Variants in NEB observed in about 807,000 individuals in gnomAD.
NEB encodes nebulin, also known as nemaline myopathy type 2.
In NEB, 512 loss-of-function variants were observed where a neutral mutation model predicts 952.2. The observed-to-expected ratio is 0.54, with a 90% CI of 0.50 to 0.58. NEB has a LOEUF of 0.58. NEB is among the 20% of genes least tolerant of loss of function. The pLI, the probability that NEB is intolerant of heterozygous loss-of-function variation, is 0.00. For missense variants in NEB, 8,428 were observed against 9,231.1 expected (o/e 0.91, Z 3.56); for synonymous variants, 2,900 against 3,149.8 (o/e 0.92, Z 2.66).
rs745620924 is a variant in NEB, at chr2:151,666,108, G to A, written c.5013C>T (p.Ala1671=). 1.9e-6 allele frequency: 3 copies of A among 1,612,694 alleles called. No individual in the cohort carries two copies. Among genetic ancestry groups the A allele is most frequent in the Non-Finnish European group, 2.5e-6 (3 of 1,178,918 alleles). The change falls in exon 41 of 182, where the codon GCC becomes GCT. Residue 1671 remains alanine (A), a synonymous_variant. Coordinates refer to ENST00000397345, the MANE Select transcript of NEB (RefSeq NM_001164508.2). ...TACATACATCACTCTGAATCTGCAT[G>A]GCATTCCTGGAGTGCTCCACATTCA... ...DALNVEHSRN[A]MQIQSDNLYK...
At chr2:151,659,645 AG>A (rs2099124922) in intron 46 of NEB, among the ~76,000 whole-genome samples, 2 of 152,270 alleles carry the variant, frequency 1.3e-5, no homozygotes, top group African/African-American at 4.8e-5. Flanking sequence ...ACAATACAGC[AG>A]GGAGGATGTA....
chr2:151,679,675 C>A, intron 32 of NEB, 46 bp downstream of exon 32: 2 of 797,514 alleles, frequency 2.5e-6, no homozygotes, highest in South Asian at 2.9e-5. Flanking sequence ...CAAGCCCACC[C>A]ACCCACATTT....
chr2:151,635,102 C>A (rs2098732224), intron 64 of NEB, among the ~76,000 whole-genome samples: 1 of 152,124 alleles, frequency 6.6e-6, no homozygotes, highest in Admixed American at 6.5e-5. Context: ...CTTAAACAAT[C>A]CTCAAAATGG....
At chr2:151,711,891 A>G (rs1358479099) in intron 10 of NEB, among the ~76,000 whole-genome samples, 9 of 152,208 alleles carry the variant, frequency 5.9e-5, no homozygotes, top group Admixed American at 5.2e-4. Flanking sequence ...CAACTCTTCA[A>G]TGGAAATCTT....
chr2:151,553,742 G>A (rs947253691), intron 126 of NEB, 86 bp downstream of exon 126: 2 of 1,309,420 alleles, frequency 1.5e-6, no homozygotes, highest in Non-Finnish European at 2.1e-6. Context: ...AAAAGGCTAA[G>A]GTAAAGAAAT....
chr2:151,527,338 C>T, intron 147 of NEB, 143 bp downstream of exon 147: 1 of 739,572 alleles, frequency 1.4e-6, no homozygotes, highest in Admixed American at 2.8e-5. Context: ...TCGCCTATCG[C>T]TCCCCCAACC....
chr2:151,678,269 T>A, intron 32 of NEB, 82 bp from the exon 33 acceptor site: 3 of 854,338 alleles, frequency 3.5e-6, no homozygotes, highest in Non-Finnish European at 5.3e-6. Flanking sequence ...TTGAAGTAAT[T>A]GAGCTTCCCA....
intron 159 of NEB, among the ~76,000 whole-genome samples, chr2:151,514,068 A>G (rs1173423805): frequency 6.6e-6 from 1 of 151,894 alleles, no homozygotes. Context: ...AAATATATCA[A>G]GTTAAATCAA....
chr2:151,706,983 T>G lies in NEB; in HGVS notation c.1050A>C (p.Glu350Asp). 6.3e-7 allele frequency: 1 copy of G among 1,577,520 alleles called. No homozygotes were observed. Among genetic ancestry groups the G allele is most frequent in the Non-Finnish European group, 8.6e-7 (1 of 1,158,730 alleles). Reference sequence around the variant, plus strand: ...CTTTTCCTTTATTCTTTTCATAGTCTTCTTTGTATTTTACCTGTAGGAGTG... The same window carrying G: ...CTTTTCCTTTATTCTTTTCATAGTCGTCTTTGTATTTTACCTGTAGGAGTG... ...GVAASKVKYK[E>D]DYEKNKGKAD... The change falls in exon 13 of 182, where the codon GAA becomes GAC. Residue 350 changes from glutamate (E) to aspartate (D), a missense_variant. Physicochemically the swap from Glu to Asp is conservative, Grantham distance 45. This residue lies in a region of NEB where 2,851 missense variants were observed against 2,791.5 expected (regional missense o/e 1.02). Coordinates refer to ENST00000397345, the MANE Select transcript of NEB (RefSeq NM_001164508.2).
intron 142 of NEB, among the ~76,000 whole-genome samples, chr2:151,535,132 G>T (rs773029127): frequency 6.6e-5 from 10 of 152,142 alleles, no homozygotes; most frequent in Non-Finnish European, 1.2e-4. Flanking sequence ...TTGCAAAGAT[G>T]GTTACAGGAA....
chr2:151,641,447 T>A (rs1025891377), intron 60 of NEB, among the ~76,000 whole-genome samples: 1 of 152,220 alleles, frequency 6.6e-6, no homozygotes, highest in African/African-American at 2.4e-5. Flanking sequence ...TCCTCCCACC[T>A]CAGCTTCTGA....
chr2:151,565,927 T>C (rs2096356501), intron 114 of NEB, 107 bp from the exon 115 acceptor site: 1 of 689,282 alleles, frequency 1.5e-6, no homozygotes, highest in South Asian at 1.9e-5. Flanking sequence ...TTCTCTCTAG[T>C]AGTTTTCTCA....
intron 68 of NEB, among the ~76,000 whole-genome samples, chr2:151,628,565 G>A (rs2098581506): frequency 3.9e-5 from 6 of 152,164 alleles, no homozygotes; most frequent in Admixed American, 3.9e-4. Context: ...TTTCAGCTGG[G>A]CATAGTGGCT....
chr2:151,690,126 G>A (rs1389192864), intron 24 of NEB: 1 of 154,138 alleles, frequency 6.5e-6, no homozygotes, highest in Non-Finnish European at 1.4e-5. Context: ...CTTCAACAGG[G>A]TCAGCAGGCG....
In NEB at chr2:151,692,325, T is replaced by C. The variant is rs181642642; in HGVS notation, c.1934A>G (p.Lys645Arg). 5.0e-6 allele frequency: 8 copies of C among 1,613,210 alleles called. No homozygotes were observed. The East Asian group carries it at 6.7e-5, about 13-fold the overall frequency. ...YKENYEKTKA[K>R]SMNYCETPKY... ...TGGGGTCTCACAGTAATTCATACTC[T>C]TTGCCTTTGTCTTCTCATAGTTTTC... Residue 645 changes from lysine (K) to arginine (R), a missense_variant, in exon 21 of 182, where the codon AAG becomes AGG. Physicochemically the swap from Lys to Arg is conservative, Grantham distance 26. Transcript: ENST00000397345.
intron 40 of NEB, among the ~76,000 whole-genome samples, chr2:151,667,070 TAA>T (rs2099228541): frequency 6.6e-6 from 1 of 152,062 alleles, no homozygotes; most frequent in South Asian, 2.1e-4. Flanking sequence ...TCCTGTTATG[TAA>T]TTAACTAAAA....
Position 151,610,014 on chromosome 2 carries a change from T to C in NEB, c.12125A>G (p.Gln4042Arg). The change falls in exon 81 of 182, where the codon CAA becomes CGA. Residue 4042 changes from glutamine (Q) to arginine (R), a missense_variant. Gln to Arg is a conservative substitution (Grantham distance 43). Transcript: ENST00000397345. ...IMCAIHAGKIQSEREYKKEFQ... is the reference protein window; with the variant it reads ...IMCAIHAGKIRSEREYKKEFQ... ...TTCCTTCTTGTACTCCCTTTCACTTTGAATTTTTCCTGCATGTATGGCACA... is the reference window on the plus strand; with the variant it reads ...TTCCTTCTTGTACTCCCTTTCACTTCGAATTTTTCCTGCATGTATGGCACA... 1 of 1,613,944 alleles carries C rather than the reference T, an allele frequency of 6.2e-7. No individual in the cohort carries two copies. The highest frequency in any genetic ancestry group is 8.5e-7 in the Non-Finnish European group (1 of 1,179,868).
intron 179 of NEB, among the ~76,000 whole-genome samples, chr2:151,490,958 T>A (rs1295713046): frequency 6.6e-6 from 1 of 152,210 alleles, no homozygotes; most frequent in Non-Finnish European, 1.5e-5. Context: ...CATGTCAGAA[T>A]GCAACCATGG....
At chr2:151,657,878 C>A (rs2099103781) in intron 48 of NEB, 105 bp downstream of exon 48, 2 of 781,282 alleles carry the variant, frequency 2.6e-6, no homozygotes, top group African/African-American at 1.8e-5. Context: ...AGAGTGAGAC[C>A]CACTGTTTTT....
Sources: allele counts gnomAD v4.1 joint callset (sites outside exome capture counted in the v4.1 genomes callset), GRCh38; gene constraint gnomAD v4.1.1; regional missense constraint gnomAD v4.1.1; transcripts MANE v1.5; gene names NCBI Gene and HGNC (gene_info 2026-07-23, HGNC 2026-07-21).